TRIM37: variants seen among roughly 807,000 people sequenced by gnomAD.
The protein encoded by TRIM37 is tripartite motif containing 37.
Under a neutral mutation model 129.8 loss-of-function variants are expected in TRIM37, and 80 were observed. The ratio of observed to expected loss-of-function variants is 0.62; its 90% CI spans 0.51 to 0.74. The LOEUF is 0.74. Among genes scored for constraint, TRIM37 ranks in the 30% least tolerant of loss-of-function variants. The pLI is 0.00. For synonymous variants in TRIM37, 389 were observed against 387.1 expected, an observed-to-expected ratio of 1.00 and a Z score of -0.06; for missense variants, 1,054 against 1,176.5, an observed-to-expected ratio of 0.90 and a Z score of 1.52.
chr17:59,012,573 T>C, intron 21 of TRIM37, 127 bp from the exon 22 acceptor site: 1 of 702,348 alleles, frequency 1.4e-6, no homozygotes. Flanking sequence ...ATTTCAAATT[T>C]TATCTGAAAA....
At chr17:59,053,695 T>G (rs2040567371) in intron 13 of TRIM37, among the ~76,000 whole-genome samples, 1 of 152,200 alleles carries the variant, frequency 6.6e-6, no homozygotes, top group African/African-American at 2.4e-5. Flanking sequence ...ATTTTGTAAT[T>G]CTCTCTATGG....
intron 2 of TRIM37, among the ~76,000 whole-genome samples, chr17:59,102,577 T>A (rs1447328717): frequency 6.6e-6 from 1 of 152,238 alleles, no homozygotes; most frequent in Admixed American, 6.5e-5. Flanking sequence ...TTATCTCATT[T>A]AATGCCATAA....
intron 2 of TRIM37, among the ~76,000 whole-genome samples, chr17:59,101,199 C>G (rs2147593647): frequency 6.6e-6 from 1 of 152,170 alleles, no homozygotes; most frequent in South Asian, 2.1e-4. Context: ...ACCAAGACAG[C>G]CCTAGAAAGA....
At chr17:59,024,702 A>C (rs1239816900) in intron 19 of TRIM37, among the ~76,000 whole-genome samples, 2 of 152,176 alleles carry the variant, frequency 1.3e-5, no homozygotes, top group African/African-American at 4.8e-5. Context: ...TATCAAAAAA[A>C]TTTATTTTTG....
intron 9 of TRIM37, among the ~76,000 whole-genome samples, chr17:59,068,984 A>G (rs979427591): frequency 1.3e-5 from 2 of 152,220 alleles, no homozygotes; most frequent in African/African-American, 4.8e-5. Context: ...CACCCCACAA[A>G]TAATTATTCT....
intron 12 of TRIM37, among the ~76,000 whole-genome samples, chr17:59,060,624 GGA>G (rs2041397271): frequency 6.6e-6 from 1 of 152,274 alleles, no homozygotes; most frequent in South Asian, 2.1e-4. Flanking sequence ...AGGGAAACGG[GGA>G]ATGGGAAGTG....
intron 17 of TRIM37, among the ~76,000 whole-genome samples, chr17:59,035,549 C>T (rs1161102876): frequency 6.6e-6 from 1 of 151,454 alleles, no homozygotes; most frequent in Non-Finnish European, 1.5e-5. Flanking sequence ...GTCAGGAGTT[C>T]AAGACCAGCC....
At chr17:58,982,989 G>C in intron 24 of TRIM37, 1 of 1,349,208 alleles carries the variant, frequency 7.4e-7, no homozygotes, top group Non-Finnish European at 1.0e-6. Context: ...GCTTAGCGAA[G>C]TAAAAAAAAA....
intron 22 of TRIM37, among the ~76,000 whole-genome samples, chr17:59,004,622 T>C (rs2144637108): frequency 6.6e-6 from 1 of 152,284 alleles, no homozygotes; most frequent in South Asian, 2.1e-4. Context: ...CTACAGGTTC[T>C]ATAAACAGTA....
At chr17:59,058,700 C>T (rs115231888) in intron 12 of TRIM37, among the ~76,000 whole-genome samples, 1,534 of 151,424 alleles carry the variant, frequency 0.01, 25 homozygotes, top group African/African-American at 0.035. Flanking sequence ...TCCATAAAAA[C>T]AAAAAACAAA....
At chr17:59,049,026 TAAC>T in intron 15 of TRIM37, 149 bp downstream of exon 15, 1 of 684,052 alleles carries the variant, frequency 1.5e-6, no homozygotes, top group East Asian at 2.8e-5. Context: ...TCTGACTTAT[TAAC>T]ATTTACATAA....
At position 59,071,681 on chromosome 17, in the gene TRIM37, GCACT is replaced by G. The variant is rs1044840628; in HGVS notation, c.685-738_685-735del. On this transcript the variant is annotated intron_variant, in intron 8 of 23. Transcript: ENST00000262294. ...CACCCGTGTGTACACACACACACACGCACTATCTGATACTAATTTGGGAAACACT... is the reference window on the plus strand; with the variant it reads ...CACCCGTGTGTACACACACACACACGATCTGATACTAATTTGGGAAACACT... Among the ~76,000 whole-genome samples, 390 of 150,524 alleles carry G rather than the reference GCACT, an allele frequency of 2.6e-3. 7 individuals carry two copies. The highest frequency in any genetic ancestry group is 8.9e-4 in the African/African-American group (37 of 41,368).
intron 16 of TRIM37, among the ~76,000 whole-genome samples, chr17:59,045,640 A>G (rs1196514321): frequency 1.4e-5 from 2 of 147,452 alleles, no homozygotes; most frequent in Non-Finnish European, 3.0e-5. Context: ...CTCCGTCACA[A>G]AAAAAAAAAA....
chr17:59,024,046 T>A (rs754399536), intron 19 of TRIM37, among the ~76,000 whole-genome samples: 19 of 151,690 alleles, frequency 1.3e-4, no homozygotes, highest in Non-Finnish European at 2.5e-4. Context: ...AAACCCCGTC[T>A]CTACTAAAAA....
rs749605535 is a variant in TRIM37, at chr17:59,079,760, G to A, written c.610C>T (p.Leu204=). The A allele has an allele frequency of 1.2e-6, 2 of 1,613,968 alleles. No homozygotes were observed. Among genetic ancestry groups the A allele is most frequent in the South Asian group, 2.2e-5 (2 of 91,084 alleles). ...AGCATACATAAACACTTACCCATCA[G>A]TGTTATAAGCTTATTCTTCAGCTGT... The part of the protein sequence containing the change: ...DTQLKNKLIT[L]MGQKTSLTQE... Residue 204 remains leucine (L), a synonymous_variant, in exon 7 of 24, where the codon CTG becomes TTG. Transcript: ENST00000262294.
rs1204552381 is a variant in TRIM37, at chr17:59,028,563, ACTG to A, written c.2106_2108del (p.Ser703del). On this transcript the variant is annotated inframe_deletion, in exon 19 of 24. Coordinates refer to ENST00000262294, the MANE Select transcript of TRIM37 (RefSeq NM_015294.6). ...TTGTCTGCATGTCTCCAGAAGCAGC[ACTG>A]CTGCTTTTTATTTCTGAAAGTGTAT... 1.9e-6 allele frequency: 3 copies of A among 1,614,134 alleles called. No homozygotes were observed. The highest frequency in any genetic ancestry group is 2.7e-5 in the African/African-American group (2 of 74,954).
chr17:59,077,043 C>T (rs2042869444), intron 7 of TRIM37, among the ~76,000 whole-genome samples: 1 of 152,150 alleles, frequency 6.6e-6, no homozygotes, highest in Admixed American at 6.5e-5. Context: ...CCGCCTCGGC[C>T]TCCCAAAGTG....
intron 12 of TRIM37, among the ~76,000 whole-genome samples, chr17:59,057,783 C>CA (rs1469129291): frequency 1.4e-4 from 21 of 152,272 alleles, no homozygotes; most frequent in Non-Finnish European, 2.1e-4. Flanking sequence ...CTTGACCTCC[C>CA]AAAGGGCTGG....
At chr17:59,064,084 C>T (rs2041730023) in intron 10 of TRIM37, 7 of 358,100 alleles carry the variant, frequency 2.0e-5, no homozygotes, top group East Asian at 5.8e-5. Context: ...GCAATGATCA[C>T]GCCACTGCAC....
Sources: allele counts gnomAD v4.1 joint callset (sites outside exome capture counted in the v4.1 genomes callset), GRCh38; gene constraint gnomAD v4.1.1; transcripts MANE v1.5; gene names NCBI Gene and HGNC (gene_info 2026-07-23, HGNC 2026-07-21).